The following TAF5 variants were observed in gnomAD, a reference collection of about 807,000 sequenced individuals.
TAF5 encodes the protein transcription initiation factor TFIID subunit 5.
TAF5 carries 20 observed loss-of-function variants against 80.9 expected under a neutral mutation model. The observed-to-expected ratio is 0.25, with a 90% confidence interval of 0.17 to 0.36. TAF5 has a LOEUF of 0.36. TAF5 is among the 10% of genes least tolerant of loss of function. The pLI, the probability that TAF5 is intolerant of heterozygous loss-of-function variation, is 1.00. For missense variants in TAF5, 863 were observed against 1,029.4 expected (o/e 0.84, Z 2.21); for synonymous variants, 388 against 406.4 (o/e 0.95, Z 0.55).
Position 103,387,566 on chromosome 10 carries a change from G to A in TAF5, c.2053G>A (p.Ala685Thr). The change falls in exon 10 of 11, where the codon GCT becomes ACT. Residue 685 changes from alanine (A) to threonine (T), a missense_variant. Physicochemically the swap from Ala to Thr is moderately conservative, Grantham distance 58. Transcript: ENST00000369839. ...ATTTTCTCCCAATGGGAGATTCCTGGCTACAGGAGCAACAGATGGCAGAGT... is the reference window on the plus strand; with the variant it reads ...ATTTTCTCCCAATGGGAGATTCCTGACTACAGGAGCAACAGATGGCAGAGT... Reference protein sequence around the residue: ...LTFSPNGRFLATGATDGRVLL... With the variant: ...LTFSPNGRFLTTGATDGRVLL... The A allele has an allele frequency of 6.2e-7, 1 of 1,613,994 alleles. No homozygotes were observed. The highest frequency in any genetic ancestry group is 1.1e-5 in the South Asian group (1 of 91,070).
At chr10:103,387,836 C>T in intron 10 of TAF5, 138 bp downstream of exon 10, 1 of 1,119,868 alleles carries the variant, frequency 8.9e-7, no homozygotes, top group South Asian at 1.5e-5. Context: ...ACATCAATCA[C>T]TTCTCAGGTT....
rs1592087671 is a variant in TAF5, at chr10:103,367,979, T to G, written c.-11T>G. On this transcript the variant is annotated 5_prime_UTR_variant, in exon 1 of 11. Coordinates refer to ENST00000369839, the MANE Select transcript of TAF5 (RefSeq NM_006951.5). The stretch of plus-strand genomic sequence containing the variant: ...ATCACGCTTGACGGCGCGAGGTGGC[T>G]CAGCCGCAAGATGGCGGCGCTGGCG... 1 of 1,454,374 alleles carries G rather than the reference T, an allele frequency of 6.9e-7. No homozygotes were observed. The allele number at this position is 1,454,374 out of a possible 1,614,324, so 90.1% of individuals were successfully genotyped here. A position where few individuals can be genotyped will look rare whatever the true frequency, so the allele number is the denominator to read the frequency against.
In TAF5 at chr10:103,373,455, T is replaced by C. The variant is rs771546410; in HGVS notation, c.657T>C (p.Ser219=). 8.7e-6 allele frequency: 14 copies of C among 1,614,102 alleles called. No homozygotes were observed. The highest frequency in any genetic ancestry group is 1.2e-5 in the Non-Finnish European group (14 of 1,180,056). Residue 219 remains serine (S), a synonymous_variant, in exon 2 of 11, where the codon AGT becomes AGC. Transcript: ENST00000369839. ...GDPTMYEEYY[S]GLKHFIECSL... is the part of the protein sequence containing the mutation. ...CCACAATGTATGAAGAATACTATAG[T>C]GGACTGAAACACTTCATTGAATGTT...
intron 1 of TAF5, among the ~76,000 whole-genome samples, chr10:103,369,997 T>G (rs2093355420): frequency 6.6e-6 from 1 of 151,784 alleles, no homozygotes; most frequent in South Asian, 2.1e-4. Flanking sequence ...TTTGGGAGGC[T>G]GAGGCGGGTG....
At chr10:103,377,219 G>A (rs1000719439) in intron 2 of TAF5, among the ~76,000 whole-genome samples, 5 of 152,148 alleles carry the variant, frequency 3.3e-5, no homozygotes, top group East Asian at 1.9e-4. Context: ...AAGCTGGAAC[G>A]TCATAGGGGA....
intron 8 of TAF5, among the ~76,000 whole-genome samples, chr10:103,386,720 G>A (rs533065907): frequency 1.8e-3 from 273 of 148,846 alleles, no homozygotes; most frequent in African/African-American, 6.5e-3. Context: ...CTGGAGTGCA[G>A]TGTCGCCATC....
At chr10:103,377,174 TC>T (rs1029265602) in intron 2 of TAF5, among the ~76,000 whole-genome samples, 8 of 152,176 alleles carry the variant, frequency 5.3e-5, no homozygotes, top group Non-Finnish European at 7.3e-5. Context: ...TTTTTGCTCT[TC>T]CTGTCTCATG....
chr10:103,373,654 C>T, intron 2 of TAF5, 59 bp downstream of exon 2: 1 of 1,270,348 alleles, frequency 7.9e-7, no homozygotes, highest in Admixed American at 2.2e-5. Flanking sequence ...TGTGTGCGTG[C>T]ATATGTTTTC....
At chr10:103,381,875 C>T (rs978655493) in intron 6 of TAF5, 34 bp downstream of exon 6, 10 of 1,613,536 alleles carry the variant, frequency 6.2e-6, no homozygotes, top group Admixed American at 1.7e-5. Context: ...TGTGAACTTG[C>T]CATTAGTCTA....
At chr10:103,386,689 A>C (rs1351367698) in intron 8 of TAF5, among the ~76,000 whole-genome samples, 1 of 143,828 alleles carries the variant, frequency 7.0e-6, no homozygotes, top group Non-Finnish European at 1.5e-5. Context: ...TTTGAGACAG[A>C]GTCTCGCTCT....
At chr10:103,373,216 A>G (rs1046561223) in intron 1 of TAF5, 142 bp from the exon 2 acceptor site, 4 of 642,398 alleles carry the variant, frequency 6.2e-6, no homozygotes, top group Non-Finnish European at 1.1e-5. Flanking sequence ...AAAAAAGATT[A>G]TGTGATTGTG....
At position 103,378,636 on chromosome 10, in the gene TAF5, T is replaced by C. The variant is rs558909998; in HGVS notation, c.1113+86T>C. 24 of 1,420,722 alleles carry C rather than the reference T, an allele frequency of 1.7e-5. No homozygotes were observed. Among genetic ancestry groups the C allele is most frequent in the Non-Finnish European group, 2.1e-5 (22 of 1,064,942 alleles). 88.0% of individuals were successfully genotyped at this position (1,420,722 alleles called of 1,614,324 possible). On this transcript the variant is annotated intron_variant, in intron 3 of 10. Transcript: ENST00000369839. This position sits in a 1 kb window ranked among gnomAD's most constrained non-coding sequence, Gnocchi z 4.1. ...CTACATAAGTTACACATTTTTCTTA[T>C]AGCTAGCTTGGAAACAATTTTTTTC...
At chr10:103,386,296 A>C (rs2093396153) in intron 8 of TAF5, among the ~76,000 whole-genome samples, 1 of 151,938 alleles carries the variant, frequency 6.6e-6, no homozygotes, top group Non-Finnish European at 1.5e-5. Context: ...AACAAAAATT[A>C]GCCGGGTGTG....
chr10:103,384,853 GTTTT>G (rs1044245658), intron 7 of TAF5, among the ~76,000 whole-genome samples: 1 of 151,328 alleles, frequency 6.6e-6, no homozygotes, highest in South Asian at 2.1e-4. Flanking sequence ...CATGTCTGTA[GTTTT>G]TTTTTCTTTT....
At position 103,387,546 on chromosome 10, in the gene TAF5, C is replaced by G; in HGVS notation, c.2033C>G (p.Ser678Cys). ...HKGPIHSLTF[S>C]PNGRFLATGA... ...GGACCAATTCATTCCTTGACATTTTCTCCCAATGGGAGATTCCTGGCTACA... is the reference window on the plus strand; with the variant it reads ...GGACCAATTCATTCCTTGACATTTTGTCCCAATGGGAGATTCCTGGCTACA... Residue 678 changes from serine to cysteine, a missense_variant, in exon 10 of 11, where the codon TCT becomes TGT. This residue lies in a region of TAF5 where 368 missense variants were observed against 461.7 expected (regional missense o/e 0.80). Transcript: ENST00000369839. 1 of 1,613,336 alleles carries G rather than the reference C, an allele frequency of 6.2e-7. No individual in the cohort carries two copies. Among genetic ancestry groups the G allele is most frequent in the Non-Finnish European group, 8.5e-7 (1 of 1,179,782 alleles).
intron 9 of TAF5, 24 bp from the exon 10 acceptor site, chr10:103,387,497 T>A: frequency 6.3e-7 from 1 of 1,595,646 alleles, no homozygotes; most frequent in South Asian, 1.1e-5. Context: ...CATACTTTGA[T>A]CTTTTCTATG....
At chr10:103,369,311 C>G (rs573546652) in intron 1 of TAF5, among the ~76,000 whole-genome samples, 1 of 149,722 alleles carries the variant, frequency 6.7e-6, no homozygotes, top group Admixed American at 6.7e-5. Flanking sequence ...CAGTCCTGCA[C>G]ATCATGTACC....
chr10:103,373,701 A>C, intron 2 of TAF5, 106 bp downstream of exon 2: 1 of 844,416 alleles, frequency 1.2e-6, no homozygotes, highest in East Asian at 2.7e-5. Flanking sequence ...CTGCAACTTA[A>C]AAAGTACGTT....
In TAF5 at chr10:103,378,166, G is replaced by C. The variant is rs1353851547; in HGVS notation, c.798-69G>C. On this transcript the variant is annotated intron_variant, in intron 2 of 10. Coordinates refer to ENST00000369839, the MANE Select transcript of TAF5 (RefSeq NM_006951.5). The surrounding 1 kb of genome is among the most constrained non-coding windows in gnomAD (Gnocchi z 4.1). ...GAAAATATTCTGGGATGGTTTATAAGTATATGGGGGAAAGGCAGATCCCTT... is the reference window on the plus strand; with the variant it reads ...GAAAATATTCTGGGATGGTTTATAACTATATGGGGGAAAGGCAGATCCCTT... 13 of 1,374,888 alleles carry C rather than the reference G, an allele frequency of 9.5e-6. No homozygotes were observed. In the South Asian group the frequency reaches 1.2e-4, roughly 13 times the overall value. 85.2% of individuals were successfully genotyped at this position (1,374,888 alleles called of 1,614,324 possible).
Sources: gnomAD v4.1 joint callset for allele counts (sites outside exome capture counted in the v4.1 genomes callset) on GRCh38, gnomAD v4.1.1 for gene constraint, gnomAD v4.1.1 regional missense constraint, Gnocchi (gnomAD v3.1) non-coding constraint, MANE v1.5 for transcripts, NCBI Gene and HGNC (gene_info 2026-07-23, HGNC 2026-07-21) for gene names.